PCDHA10: variants seen among roughly 807,000 people sequenced by gnomAD.
PCDHA10 encodes protocadherin alpha 10.
A neutral mutation model predicts 61.2 loss-of-function variants in PCDHA10; 45 were observed. The ratio of observed to expected loss-of-function variants is 0.74; its 90% CI spans 0.58 to 0.94. The LOEUF is 0.94. PCDHA10 is among the 40% of genes least tolerant of loss of function. The pLI is 0.00. For synonymous variants in PCDHA10, 602 were observed against 548.8 expected, an observed-to-expected ratio of 1.10 and a Z score of -1.35; for missense variants, 1,278 against 1,236.2, an observed-to-expected ratio of 1.03 and a Z score of -0.51.
At position 140,870,296 on chromosome 5, in the gene PCDHA10, C is replaced by T. The variant is rs782782375; in HGVS notation, c.2388+11860C>T. ...CCCCACGTTCCCTTCAAGCTGGTGTCCACCTTCAAGAATTACTACTCGTTG... is the reference window on the plus strand; with the variant it reads ...CCCCACGTTCCCTTCAAGCTGGTGTTCACCTTCAAGAATTACTACTCGTTG... On this transcript the variant is annotated intron_variant, in intron 1 of 3. Transcript: ENST00000307360. 1.2e-5 allele frequency: 20 copies of T among 1,614,086 alleles called. No homozygotes were observed. In the African/African-American group the frequency reaches 2.3e-4, roughly 18 times the overall value.
chr5:140,874,469 G>C (rs2054929448), intron 1 of PCDHA10, among the ~76,000 whole-genome samples: 1 of 152,212 alleles, frequency 6.6e-6, no homozygotes, highest in Non-Finnish European at 1.5e-5. Flanking sequence ...GGAAGATTTA[G>C]AGAAAAAGCA....
intron 1 of PCDHA10, chr5:140,882,748 A>C: frequency 1.2e-6 from 2 of 1,614,258 alleles, no homozygotes; most frequent in Non-Finnish European, 1.7e-6. Flanking sequence ...CATCCGATGC[A>C]GATATTGGAG....
At chr5:140,871,074 G>A (rs1210767724) in intron 1 of PCDHA10, 1 of 1,613,096 alleles carries the variant, frequency 6.2e-7, no homozygotes, top group African/African-American at 1.3e-5. Context: ...GTGAGCCGGC[G>A]CTGACGGCCA....
intron 1 of PCDHA10, chr5:140,869,090 C>G (rs150845602): frequency 1.3e-6 from 2 of 1,589,674 alleles, no homozygotes; most frequent in African/African-American, 1.4e-5. Context: ...TTTTGGAAGC[C>G]AATTTCGTAT....
At chr5:140,923,134 G>C (rs962370475) in intron 1 of PCDHA10, among the ~76,000 whole-genome samples, 2 of 152,106 alleles carry the variant, frequency 1.3e-5, no homozygotes, top group Non-Finnish European at 1.5e-5. Flanking sequence ...CACTTTGAAG[G>C]TGGAATATAA....
In PCDHA10 at chr5:140,982,542, A is replaced by T; in HGVS notation, c.2515A>T (p.Thr839Ser). 6.2e-7 allele frequency: 1 copy of T among 1,614,210 alleles called. No individual in the cohort carries two copies. Among genetic ancestry groups the T allele is most frequent in the Non-Finnish European group, 8.5e-7 (1 of 1,180,042 alleles). The change falls in exon 3 of 4, where the codon ACA becomes TCA. Residue 839 changes from threonine (T) to serine (S), a missense_variant. Transcript: ENST00000307360. ...AGGAGGGCCTGATCAGCAGTGGCCA[A>T]CAGTATCCAGTGCAACACCAGGTAA... is the stretch of plus-strand genomic sequence containing the variant. The part of the protein sequence containing the change: ...GPGGPDQQWP[T>S]VSSATPEPEA...
chr5:141,000,743 TA>T (rs527867626), intron 3 of PCDHA10, among the ~76,000 whole-genome samples: 276 of 145,094 alleles, frequency 1.9e-3, no homozygotes, highest in Admixed American at 4.4e-3. Context: ...CTCTGTATAT[TA>T]AAAAAAAAAA....
chr5:140,881,659 T>C (rs2058783076), intron 1 of PCDHA10, among the ~76,000 whole-genome samples: 1 of 152,240 alleles, frequency 6.6e-6, no homozygotes, highest in African/African-American at 2.4e-5. Flanking sequence ...CTTCACCGAT[T>C]TTATTCTTAT....
intron 3 of PCDHA10, among the ~76,000 whole-genome samples, chr5:140,993,102 C>T (rs979360910): frequency 2.6e-5 from 4 of 152,272 alleles, no homozygotes; most frequent in South Asian, 4.1e-4. Flanking sequence ...GTTTATTCAG[C>T]GGTCAGTGTC....
chr5:140,928,642 G>C, intron 1 of PCDHA10: 1 of 1,614,232 alleles, frequency 6.2e-7, no homozygotes, highest in African/African-American at 1.3e-5. Flanking sequence ...CACAAAAGTG[G>C]TAGCAGAGGA....
intron 1 of PCDHA10, chr5:140,876,095 T>G (rs781801828): frequency 6.2e-7 from 1 of 1,613,928 alleles, no homozygotes; most frequent in Admixed American, 1.7e-5. Context: ...ACGCCAAAAC[T>G]CAATTTATTG....
intron 1 of PCDHA10, among the ~76,000 whole-genome samples, chr5:140,910,646 G>T (rs1490115049): frequency 6.6e-6 from 1 of 152,158 alleles, no homozygotes; most frequent in Non-Finnish European, 1.5e-5. Flanking sequence ...TAAACCTTTT[G>T]ATCCCTTCCT....
rs782319322 is a variant in PCDHA10, at chr5:140,870,788, C to T, written c.2388+12352C>T. 6 of 1,613,518 alleles carry T rather than the reference C, an allele frequency of 3.7e-6. No individual in the cohort carries two copies. The Admixed American group carries it at 6.7e-5, about 18-fold the overall frequency. On this transcript the variant is annotated intron_variant, in intron 1 of 3. Coordinates refer to ENST00000307360, the MANE Select transcript of PCDHA10 (RefSeq NM_018901.4). Reference sequence around the variant, plus strand: ...GTGCTGGACGAGAACGACAACGCGCCGGCACTGCTGGCGACTCAGGCTGGC... The same window carrying T: ...GTGCTGGACGAGAACGACAACGCGCTGGCACTGCTGGCGACTCAGGCTGGC...
In PCDHA10 at chr5:140,876,987, G is replaced by C. The variant is rs782251799; in HGVS notation, c.2388+18551G>C. 11 of 1,612,658 alleles carry C rather than the reference G, an allele frequency of 6.8e-6. No homozygotes were observed. The South Asian group carries it at 9.9e-5, about 14-fold the overall frequency. ...GGCGGGTGGGCGAGCACGCACTGTC[G>C]AGCTACGTGTCGGTGCACGCGGAGA... On this transcript the variant is annotated intron_variant, in intron 1 of 3. Coordinates refer to ENST00000307360, the MANE Select transcript of PCDHA10 (RefSeq NM_018901.4).
intron 1 of PCDHA10, among the ~76,000 whole-genome samples, chr5:140,971,333 G>A (rs1015985935): frequency 6.6e-6 from 1 of 152,194 alleles, no homozygotes. Context: ...AATTATTTCA[G>A]AAAGTGCTTG....
chr5:140,941,619 C>T (rs1300512502), intron 1 of PCDHA10, among the ~76,000 whole-genome samples: 1 of 151,848 alleles, frequency 6.6e-6, no homozygotes, highest in African/African-American at 2.4e-5. Flanking sequence ...CCAGCCCATC[C>T]TGCTTCTTAA....
chr5:140,916,469 T>C (rs1051023499), intron 1 of PCDHA10, among the ~76,000 whole-genome samples: 2 of 152,194 alleles, frequency 1.3e-5, no homozygotes, highest in African/African-American at 4.8e-5. Flanking sequence ...TGCTGGTTAT[T>C]TGGTGCCCAA....
At chr5:141,007,869 T>C (rs2098349373) in intron 3 of PCDHA10, among the ~76,000 whole-genome samples, 1 of 152,262 alleles carries the variant, frequency 6.6e-6, no homozygotes, top group African/African-American at 2.4e-5. Flanking sequence ...TCTTTTCCTT[T>C]GTCTTACACT....
chr5:140,956,597 C>T (rs1015881961), intron 1 of PCDHA10, among the ~76,000 whole-genome samples: 1 of 152,054 alleles, frequency 6.6e-6, no homozygotes, highest in African/African-American at 2.4e-5. Flanking sequence ...TCAGGGATAT[C>T]AGCTGGAAGT....
Sources: gnomAD v4.1 joint callset for allele counts (sites outside exome capture counted in the v4.1 genomes callset) on GRCh38, gnomAD v4.1.1 for gene constraint, MANE v1.5 for transcripts, NCBI Gene and HGNC (gene_info 2026-07-23, HGNC 2026-07-21) for gene names.